Variants in XNDC1N observed in about 807,000 individuals in gnomAD.
XNDC1N encodes the protein protein XNDC1N.
the XNDC1N span, chr11:71,884,366 A>C: frequency 1.3e-6 from 2 of 1,501,318 alleles, no homozygotes; most frequent in Non-Finnish European, 8.9e-7. Context: ...CATAAAAAGT[A>C]AGTAATATTG....
chr11:71,916,648 A>G, the XNDC1N span: 1 of 188,156 alleles, frequency 5.3e-6, no homozygotes, highest in Admixed American at 5.3e-5. Flanking sequence ...CCCTCACACC[A>G]CCACGTGCTC....
the XNDC1N span, chr11:71,916,036 G>C: frequency 1.0e-5 from 7 of 686,772 alleles, no homozygotes; most frequent in East Asian, 1.6e-4. Context: ...TGAAAAGGAA[G>C]GGAAAACATT....
chr11:71,910,632 G>T, the XNDC1N span, among the ~76,000 whole-genome samples: 3 of 152,294 alleles, frequency 2.0e-5, no homozygotes, highest in South Asian at 2.1e-4. Context: ...TGGGTAGAAG[G>T]TGTCCAAGAA....
chr11:71,887,565 G>A, the XNDC1N span, among the ~76,000 whole-genome samples: 1 of 152,148 alleles, frequency 6.6e-6, no homozygotes, highest in African/African-American at 2.4e-5. Flanking sequence ...CTCCAGGATT[G>A]GCCAGTTAAG....
At chr11:71,897,003 G>T in the XNDC1N span, among the ~76,000 whole-genome samples, 3 of 152,198 alleles carry the variant, frequency 2.0e-5, no homozygotes, top group African/African-American at 4.8e-5. Context: ...TCAAGAAATG[G>T]TGTTGGAGAA....
At chr11:71,899,081 AT>A in the XNDC1N span, among the ~76,000 whole-genome samples, 2 of 152,136 alleles carry the variant, frequency 1.3e-5, no homozygotes, top group Non-Finnish European at 2.9e-5. Context: ...TTCTTGCATT[AT>A]TATACGGACA....
At chr11:71,871,671 A>T in the XNDC1N span, among the ~76,000 whole-genome samples, 1 of 152,206 alleles carries the variant, frequency 6.6e-6, no homozygotes, top group African/African-American at 2.4e-5. Context: ...TATAATTAAT[A>T]ATTTGTTAAT....
chr11:71,916,662 A>G, the XNDC1N span: 5 of 182,086 alleles, frequency 2.7e-5, no homozygotes, highest in South Asian at 1.3e-4. Context: ...CGTGCTCTAC[A>G]TGCTCACGGT....
chr11:71,907,818 T>A, the XNDC1N span, among the ~76,000 whole-genome samples: 1 of 152,140 alleles, frequency 6.6e-6, no homozygotes, highest in African/African-American at 2.4e-5. Flanking sequence ...CTGCCATATA[T>A]GTAGTCATAT....
chr11:71,880,188 C>T, the XNDC1N span, among the ~76,000 whole-genome samples: 4 of 151,936 alleles, frequency 2.6e-5, no homozygotes, highest in African/African-American at 4.8e-5. Flanking sequence ...CAGGTATAAA[C>T]CACAGTTTAA....
chr11:71,886,362 G>A, the XNDC1N span, among the ~76,000 whole-genome samples: 2 of 152,108 alleles, frequency 1.3e-5, no homozygotes, highest in African/African-American at 2.4e-5. Flanking sequence ...AGAGGAACAT[G>A]CACCAGCTGA....
chr11:71,909,215 C>T, the XNDC1N span, among the ~76,000 whole-genome samples: 15 of 152,032 alleles, frequency 9.9e-5, 1 homozygote, highest in East Asian at 2.7e-3. Flanking sequence ...AAATAGCTAG[C>T]CAGGTGTTTG....
chr11:71,868,832 G>T, the XNDC1N span, among the ~76,000 whole-genome samples: 8 of 152,110 alleles, frequency 5.3e-5, no homozygotes, highest in African/African-American at 1.9e-4. Context: ...TCTCTAGTGA[G>T]GTTGGGGAAA....
the XNDC1N span, among the ~76,000 whole-genome samples, chr11:71,922,466 G>A: frequency 1.3e-5 from 2 of 152,116 alleles, no homozygotes; most frequent in African/African-American, 4.8e-5. Flanking sequence ...ATCACACAGG[G>A]CTGATTTTTT....
the XNDC1N span, among the ~76,000 whole-genome samples, chr11:71,913,865 A>G: frequency 6.6e-6 from 1 of 152,292 alleles, no homozygotes; most frequent in East Asian, 1.9e-4. Context: ...ATTATGCTGA[A>G]TCTACTCTGC....
At chr11:71,906,756 G>A in the XNDC1N span, among the ~76,000 whole-genome samples, 3 of 152,108 alleles carry the variant, frequency 2.0e-5, no homozygotes, top group Admixed American at 1.3e-4. Context: ...TGTACACCCC[G>A]TGTGACGTTA....
At chr11:71,884,849 C>A in the XNDC1N span, among the ~76,000 whole-genome samples, 1 of 151,812 alleles carries the variant, frequency 6.6e-6, no homozygotes, top group Non-Finnish European at 1.5e-5. Flanking sequence ...CTCTTAGAAC[C>A]CCTATCGCAG....
At chr11:71,870,149 T>A in the XNDC1N span, among the ~76,000 whole-genome samples, 4 of 152,188 alleles carry the variant, frequency 2.6e-5, no homozygotes, top group South Asian at 8.3e-4. Context: ...GATTAAGTTA[T>A]CTCCTTCTGG....
the XNDC1N span, among the ~76,000 whole-genome samples, chr11:71,887,413 C>T: frequency 6.6e-6 from 1 of 152,102 alleles, no homozygotes; most frequent in Admixed American, 6.5e-5. Flanking sequence ...CTCTTTGCTG[C>T]TAAAGTTACC....
Sources: gnomAD v4.1 joint callset for allele counts (sites outside exome capture counted in the v4.1 genomes callset) on GRCh38, gnomAD v4.1.1 for gene constraint, MANE v1.5 for transcripts, NCBI Gene and HGNC (gene_info 2026-07-23, HGNC 2026-07-21) for gene names.